The following CTXN3 variants were observed in gnomAD, a reference collection of about 807,000 sequenced individuals.
The protein encoded by CTXN3 is cortexin-3.
CTXN3 carries 4 observed loss-of-function variants against 5.0 expected under a neutral mutation model. The ratio of observed to expected loss-of-function variants is 0.79; its 90% CI spans 0.39 to 1.82. The LOEUF (loss-of-function observed/expected upper bound fraction) is 1.82. CTXN3 is among the 40% of genes most tolerant of loss of function. CTXN3 has a pLI of 0.04. For missense variants in CTXN3, 89 were observed against 99.7 expected (o/e 0.89, Z 0.46); for synonymous variants, 48 against 38.6 (o/e 1.24, Z -0.91).
intron 2 of CTXN3, among the ~76,000 whole-genome samples, chr5:127,656,252 G>C (rs1368815165): frequency 6.6e-6 from 1 of 152,098 alleles, no homozygotes; most frequent in African/African-American, 2.4e-5. Context: ...TGTGATTTAA[G>C]TAGATTTCGT....
At chr5:127,651,482 G>C (rs1029330485) in intron 1 of CTXN3, among the ~76,000 whole-genome samples, 1 of 152,126 alleles carries the variant, frequency 6.6e-6, no homozygotes, top group Admixed American at 6.5e-5. Flanking sequence ...TGGGGTGGTA[G>C]GGGGTGGTGC....
rs757596870 is a variant in CTXN3 at position 127,657,486 on chromosome 5, AAACCAGGAT to A, written c.-34_-26del. ...CGCAGATTGATGATGGAAGAAAAGA[AAACCAGGAT>A]ATCCTGTGCTCTGGCTTCCCTGGAC... On this transcript the variant is annotated 5_prime_UTR_variant, in exon 3 of 3. Transcript: ENST00000379445. The A allele has an allele frequency of 9.3e-6, 15 of 1,608,714 alleles. No homozygotes were observed. Among genetic ancestry groups the A allele is most frequent in the South Asian group, 5.5e-5 (5 of 90,818 alleles).
At chr5:127,656,327 C>T (rs560889400) in intron 2 of CTXN3, among the ~76,000 whole-genome samples, 55 of 152,154 alleles carry the variant, frequency 3.6e-4, no homozygotes, top group African/African-American at 1.3e-3. Context: ...TATATTTATA[C>T]GGTAATATAC....
rs2126745126 is a variant in CTXN3, at chr5:127,658,580, ATGTG to A, written c.*815_*818del. 6.0e-6 allele frequency: 1 copy of A among 167,160 alleles called. No individual in the cohort carries two copies. Among genetic ancestry groups the A allele is most frequent in the East Asian group, 1.9e-4 (1 of 5,196 alleles). The allele number at this position is 167,160 out of a possible 1,614,324, so 10.4% of individuals were successfully genotyped here. On this transcript the variant is annotated 3_prime_UTR_variant, in exon 3 of 3. Transcript: ENST00000379445. Reference sequence around the variant, plus strand: ...GAAGACTTTTATAGTCTTCAGAGGAATGTGTATTTATGATTGTATATAGTCACCA... The same window carrying A: ...GAAGACTTTTATAGTCTTCAGAGGAATATTTATGATTGTATATAGTCACCA...
Position 127,657,784 on chromosome 5 carries a change from T to G in CTXN3, c.*17T>G. On this transcript the variant is annotated 3_prime_UTR_variant, in exon 3 of 3. Transcript: ENST00000379445. ...CTTGCTTAGGAGGGATGGTGTGGGA[T>G]CTCCTCCTGAGGAGATGAAGTGCTT... 4 of 1,613,716 alleles carry G rather than the reference T, an allele frequency of 2.5e-6. No individual in the cohort carries two copies. The highest frequency in any genetic ancestry group is 3.4e-6 in the Non-Finnish European group (4 of 1,179,802).
chr5:127,651,047 G>A (rs1358092859), intron 1 of CTXN3, among the ~76,000 whole-genome samples: 2 of 152,184 alleles, frequency 1.3e-5, no homozygotes, highest in Non-Finnish European at 2.9e-5. Context: ...TTTTGAGTAA[G>A]TTTGTCTCTG....
rs61743797 is a variant in CTXN3, at chr5:127,657,570, G to A, written c.49G>A (p.Glu17Lys). ...IPSSLVPLGNESADSSMSLEQ... is the reference protein window; with the variant it reads ...IPSSLVPLGNKSADSSMSLEQ... ...CTCATCCCTAGTGCCCCTTGGGAAC[G>A]AATCAGCAGATTCTAGCATGTCCCT... The change falls in exon 3 of 3, where the codon GAA (glutamate) becomes AAA (lysine). Residue 17 changes from glutamate (E) to lysine (K), a missense_variant. Glu to Lys is a moderately conservative substitution (Grantham distance 56). Coordinates refer to ENST00000379445, the MANE Select transcript of CTXN3 (RefSeq NM_001048252.3). 4.4e-4 allele frequency: 718 copies of A among 1,614,074 alleles called. No individual in the cohort carries two copies. The African/African-American group carries it at 7.8e-3, about 18-fold the overall frequency.
intron 1 of CTXN3, among the ~76,000 whole-genome samples, chr5:127,652,542 AC>A (rs1749807059): frequency 6.6e-6 from 1 of 151,916 alleles, no homozygotes; most frequent in African/African-American, 2.4e-5. Context: ...AGTAAAAAAC[AC>A]CCCATCCTTG....
Position 127,657,533 on chromosome 5 carries a change from A to G in CTXN3, c.12A>G (p.Gly4=), listed in dbSNP as rs143894118. Residue 4 remains glycine (G), a synonymous_variant, in exon 3 of 3, where the codon GGA becomes GGG. Coordinates refer to ENST00000379445, the MANE Select transcript of CTXN3 (RefSeq NM_001048252.3). ...GGCTTCCCTGGACCATGGATGGAGGACAGCCCATCCCCTCATCCCTAGTGC... is the reference window on the plus strand; with the variant it reads ...GGCTTCCCTGGACCATGGATGGAGGGCAGCCCATCCCCTCATCCCTAGTGC... The part of the protein sequence containing the change: MDG[G]QPIPSSLVPL... 2 of 1,613,860 alleles carry G rather than the reference A, an allele frequency of 1.2e-6. No homozygotes were observed. The highest frequency in any genetic ancestry group is 1.7e-6 in the Non-Finnish European group (2 of 1,179,942).
At chr5:127,654,420 A>C (rs1244042252) in intron 2 of CTXN3, among the ~76,000 whole-genome samples, 1 of 152,232 alleles carries the variant, frequency 6.6e-6, no homozygotes, top group Non-Finnish European at 1.5e-5. Context: ...GTAAAACTTC[A>C]AATTAAAACT....
chr5:127,655,749 A>AT (rs990496634), intron 2 of CTXN3, among the ~76,000 whole-genome samples: 4 of 152,282 alleles, frequency 2.6e-5, no homozygotes, highest in African/African-American at 4.8e-5. Context: ...TAAAGAGCTT[A>AT]TTTTTTTAAA....
chr5:127,653,940 T>G (rs557903512), intron 2 of CTXN3, among the ~76,000 whole-genome samples: 4 of 152,268 alleles, frequency 2.6e-5, no homozygotes, highest in African/African-American at 9.6e-5. Flanking sequence ...ATCCCTCCCC[T>G]AGGGCTCTCC....
chr5:127,656,825 G>A (rs1749918221), intron 2 of CTXN3, among the ~76,000 whole-genome samples: 1 of 152,134 alleles, frequency 6.6e-6, no homozygotes, highest in Admixed American at 6.5e-5. Flanking sequence ...ACAGCTTAGT[G>A]ACCTCTCCAA....
At chr5:127,655,084 A>T (rs1580997144) in intron 2 of CTXN3, among the ~76,000 whole-genome samples, 1 of 151,810 alleles carries the variant, frequency 6.6e-6, no homozygotes, top group Non-Finnish European at 1.5e-5. Flanking sequence ...ACCAACATGG[A>T]GAAACCCCGT....
intron 1 of CTXN3, among the ~76,000 whole-genome samples, chr5:127,650,159 A>G (rs964361458): frequency 3.3e-5 from 5 of 152,152 alleles, no homozygotes; most frequent in Non-Finnish European, 5.9e-5. Context: ...CTGCTGACCC[A>G]GAGCTTAAAA....
rs1337493204 is a variant in CTXN3 at position 127,649,170 on chromosome 5, CA to C, written c.-424del. The C allele has an allele frequency of 6.6e-6, 1 of 152,214 alleles. No individual in the cohort carries two copies. Among genetic ancestry groups the C allele is most frequent in the African/African-American group, 2.4e-5 (1 of 41,456 alleles). The allele number at this position is 152,214 out of a possible 1,614,324, so 9.4% of individuals were successfully genotyped here. Reference sequence around the variant, plus strand: ...TATTGGCCGTTAATGATGCCTCACACAGAAAGACGATGCTCCTTTAACTCGG... The same window carrying C: ...TATTGGCCGTTAATGATGCCTCACACGAAAGACGATGCTCCTTTAACTCGG... On this transcript the variant is annotated 5_prime_UTR_variant, in exon 1 of 3. It removes the in-frame stop codon of an upstream open reading frame in the 5' UTR. Transcript: ENST00000379445.
rs545101253 is a variant in CTXN3, at chr5:127,655,865, A to C, written c.-99-1558A>C. On this transcript the variant is annotated intron_variant, in intron 2 of 2. Transcript: ENST00000379445. ...AAAAAATTCAAAGTGATAGAGCTGC[A>C]AAAATGATGCATTACCCGACTGGTA... Among the ~76,000 whole-genome samples, 3 of 152,348 alleles carry C rather than the reference A, an allele frequency of 2.0e-5. No individual in the cohort carries two copies. The South Asian group carries it at 6.2e-4, about 32-fold the overall frequency.
rs930612064 is a variant in CTXN3, at chr5:127,657,500, T to C, written c.-22T>C. On this transcript the variant is annotated 5_prime_UTR_variant, in exon 3 of 3. Coordinates refer to ENST00000379445, the MANE Select transcript of CTXN3 (RefSeq NM_001048252.3). Reference sequence around the variant, plus strand: ...GGAAGAAAAGAAAACCAGGATATCCTGTGCTCTGGCTTCCCTGGACCATGG... The same window carrying C: ...GGAAGAAAAGAAAACCAGGATATCCCGTGCTCTGGCTTCCCTGGACCATGG... 6.2e-7 allele frequency: 1 copy of C among 1,612,820 alleles called. No individual in the cohort carries two copies. The highest frequency in any genetic ancestry group is 8.5e-7 in the Non-Finnish European group (1 of 1,179,440).
At chr5:127,650,419 C>A (rs999093836) in intron 1 of CTXN3, among the ~76,000 whole-genome samples, 1 of 152,148 alleles carries the variant, frequency 6.6e-6, no homozygotes, top group African/African-American at 2.4e-5. Context: ...CTTAGCCCCC[C>A]TTTGAATTTT....
Sources: gnomAD v4.1 joint callset for allele counts (sites outside exome capture counted in the v4.1 genomes callset) on GRCh38, gnomAD v4.1.1 for gene constraint, MANE v1.5 for transcripts, NCBI Gene and HGNC (gene_info 2026-07-23, HGNC 2026-07-21) for gene names.